Variants in CEP350 observed in about 807,000 individuals in gnomAD.
The protein encoded by CEP350 is centrosomal protein 350.
Under a neutral mutation model 331.8 loss-of-function variants are expected in CEP350, and 126 were observed. That is an observed-to-expected ratio of 0.38 (90% CI 0.33 to 0.44). The LOEUF (loss-of-function observed/expected upper bound fraction) is 0.44, where lower values mean the gene tolerates loss of function less well. CEP350 is among the 20% of genes least tolerant of loss of function. The pLI, the probability that CEP350 is intolerant of heterozygous loss-of-function variation, is 1.00. For synonymous variants in CEP350, 1,200 were observed against 1,259.5 expected (o/e 0.95, Z 1.00); for missense variants, 3,406 against 3,634.6 (o/e 0.94, Z 1.62).
intron 11 of CEP350, among the ~76,000 whole-genome samples, chr1:180,017,891 A>G (rs1314941456): frequency 6.6e-6 from 1 of 152,230 alleles, no homozygotes; most frequent in Non-Finnish European, 1.5e-5. Context: ...TGCTTCATCT[A>G]TACCCTACTG....
chr1:179,990,163 G>A (rs886503829), intron 3 of CEP350, among the ~76,000 whole-genome samples: 3 of 151,642 alleles, frequency 2.0e-5, no homozygotes, highest in Non-Finnish European at 2.9e-5. Flanking sequence ...TCCAGCCTGC[G>A]CGACAGACCG....
At chr1:180,080,141 C>T (rs1659475035) in intron 29 of CEP350, among the ~76,000 whole-genome samples, 2 of 152,094 alleles carry the variant, frequency 1.3e-5, no homozygotes, top group Non-Finnish European at 2.9e-5. Context: ...TTCTTCTTCC[C>T]TTCCTCTCTC....
chr1:180,085,584 T>C (rs1659816822), intron 31 of CEP350: 1 of 152,262 alleles, frequency 6.6e-6, no homozygotes, highest in African/African-American at 2.4e-5. Flanking sequence ...CATTGTAGAA[T>C]CAGATTGAAT....
chr1:180,012,355 T>C (rs1654714676), intron 9 of CEP350, among the ~76,000 whole-genome samples: 1 of 152,242 alleles, frequency 6.6e-6, no homozygotes, highest in African/African-American at 2.4e-5. Flanking sequence ...TATTAGACTT[T>C]TAGGGACCTT....
intron 22 of CEP350, among the ~76,000 whole-genome samples, chr1:180,052,470 A>G (rs546305593): frequency 1.3e-5 from 2 of 152,340 alleles, no homozygotes; most frequent in East Asian, 3.9e-4. Flanking sequence ...GAAAGGGAAG[A>G]AGTATTCAAT....
chr1:180,101,761 C>A (rs1473852287), intron 37 of CEP350, among the ~76,000 whole-genome samples: 2 of 152,164 alleles, frequency 1.3e-5, no homozygotes, highest in Non-Finnish European at 2.9e-5. Flanking sequence ...CAAGATCCAC[C>A]TTTGGGTTTA....
At chr1:180,076,720 C>T (rs1659245299) in intron 28 of CEP350, among the ~76,000 whole-genome samples, 1 of 152,050 alleles carries the variant, frequency 6.6e-6, no homozygotes, top group African/African-American at 2.4e-5. Context: ...GCCCAGGAGG[C>T]AGAGGTTACA....
At chr1:180,006,180 GT>G (rs1204924972) in intron 7 of CEP350, among the ~76,000 whole-genome samples, 1 of 152,116 alleles carries the variant, frequency 6.6e-6, no homozygotes, top group African/African-American at 2.4e-5. Flanking sequence ...GTGAAACTAA[GT>G]AAACTTCTCA....
intron 2 of CEP350, among the ~76,000 whole-genome samples, chr1:179,986,505 T>C (rs1280036081): frequency 1.3e-5 from 2 of 152,200 alleles, no homozygotes; most frequent in African/African-American, 4.8e-5. Context: ...AGAAATTCTG[T>C]CCTAATTTCA....
intron 36 of CEP350, among the ~76,000 whole-genome samples, chr1:180,097,665 G>A (rs1220845932): frequency 6.6e-6 from 1 of 151,992 alleles, no homozygotes; most frequent in Non-Finnish European, 1.5e-5. Context: ...CATCAATATA[G>A]CATACAATAA....
chr1:180,010,175 T>G (rs911805719), intron 8 of CEP350, among the ~76,000 whole-genome samples: 1 of 152,164 alleles, frequency 6.6e-6, no homozygotes, highest in Non-Finnish European at 1.5e-5. Flanking sequence ...TTGTTTCTTA[T>G]GAAAATTGTC....
chr1:180,047,655 G>A (rs546928886), intron 21 of CEP350, among the ~76,000 whole-genome samples: 9 of 151,184 alleles, frequency 6.0e-5, no homozygotes, highest in Admixed American at 5.3e-4. Flanking sequence ...CTAGCTACTC[G>A]GGAGGCTGAG....
chr1:180,098,532 A>C (rs1190405571), intron 36 of CEP350, among the ~76,000 whole-genome samples: 1 of 151,256 alleles, frequency 6.6e-6, no homozygotes, highest in East Asian at 2.0e-4. Context: ...TGTAGAGATG[A>C]GGTCTCTCAC....
Position 180,022,840 on chromosome 1 carries a change from T to C in CEP350, c.3378T>C (p.Leu1126=), listed in dbSNP as rs1655416286. The part of the protein sequence containing the change: ...TGTSTEKKST[L]EPHSTLSPQE... Reference sequence around the variant, plus strand: ...CTTCGACAGAAAAAAAATCAACTCTTGAACCTCAGTAAGATATATTGGCAA... The same window carrying C: ...CTTCGACAGAAAAAAAATCAACTCTCGAACCTCAGTAAGATATATTGGCAA... The change falls in exon 13 of 38, where the codon CTT becomes CTC. Residue 1126 remains leucine (L), a synonymous_variant. Transcript: ENST00000367607. 2 of 1,580,112 alleles carry C rather than the reference T, an allele frequency of 1.3e-6. No homozygotes were observed.
chr1:180,098,534 GTC>G (rs1242292330), intron 36 of CEP350, among the ~76,000 whole-genome samples: 3 of 151,416 alleles, frequency 2.0e-5, no homozygotes, highest in African/African-American at 7.3e-5. Flanking sequence ...TAGAGATGAG[GTC>G]TCTCACTATG....
chr1:179,978,566 C>T (rs1652048612), intron 1 of CEP350, among the ~76,000 whole-genome samples: 1 of 151,986 alleles, frequency 6.6e-6, no homozygotes, highest in Non-Finnish European at 1.5e-5. Context: ...CCCCTACTAA[C>T]CTCTGTTCTA....
At chr1:179,996,275 A>G (rs1653453400) in intron 5 of CEP350, among the ~76,000 whole-genome samples, 1 of 152,104 alleles carries the variant, frequency 6.6e-6, no homozygotes, top group Non-Finnish European at 1.5e-5. Flanking sequence ...CTCAGTTTGT[A>G]TGACTGGTTT....
chr1:179,983,772 T>G (rs1652456396), intron 1 of CEP350, among the ~76,000 whole-genome samples: 1 of 152,206 alleles, frequency 6.6e-6, no homozygotes, highest in South Asian at 2.1e-4. Context: ...TTATCAAATA[T>G]GACAGGTTTA....
chr1:180,065,004 T>C (rs6699491), intron 26 of CEP350, 111 bp from the exon 27 acceptor site: 2 of 1,144,422 alleles, frequency 1.7e-6, no homozygotes, highest in Non-Finnish European at 1.2e-6. Context: ...TATTTTCAAC[T>C]ATTGTTATAA....
Sources: gnomAD v4.1 joint callset for allele counts (sites outside exome capture counted in the v4.1 genomes callset) on GRCh38, gnomAD v4.1.1 for gene constraint, MANE v1.5 for transcripts, NCBI Gene and HGNC (gene_info 2026-07-23, HGNC 2026-07-21) for gene names.